WDR27: variants seen among roughly 807,000 people sequenced by gnomAD.
WDR27 encodes WD repeat-containing protein 27.
In WDR27, 100 loss-of-function variants were observed where a neutral mutation model predicts 114.4. The observed-to-expected ratio is 0.87, with a 90% CI of 0.74 to 1.03. The LOEUF is 1.03. Ranked by LOEUF, WDR27 falls within the 50% of genes least tolerant of loss-of-function variation. WDR27 has a pLI of 0.00. For synonymous variants in WDR27, 449 were observed against 423.1 expected, an observed-to-expected ratio of 1.06 and a Z score of -0.75; for missense variants, 1,129 against 1,092.9, an observed-to-expected ratio of 1.03 and a Z score of -0.47.
intron 17 of WDR27, among the ~76,000 whole-genome samples, chr6:169,641,870 C>A (rs747966778): frequency 2.0e-4 from 30 of 152,268 alleles, no homozygotes; most frequent in Admixed American, 1.7e-3. Flanking sequence ...TCCCGCGCAG[C>A]GCGCTCAGAA....
chr6:169,433,150 A>G, the WDR27 span, among the ~76,000 whole-genome samples: 122,054 of 152,012 alleles, frequency 0.8, 49,825 homozygotes, highest in African/African-American at 0.85. Context: ...TGTTACATAG[A>G]TATACATGTG....
rs1001538017 is a variant in WDR27 at position 169,502,752 on chromosome 6, G to A, written c.2646-45118C>T. ...TGCTCTCCTCATCTCCAGGTCAGCC[G>A]ATCGCAGCCTCAGTGCCATCTTCAA... On this transcript the variant is annotated intron_variant, in intron 25 of 25. Transcript: ENST00000448612. Among the ~76,000 whole-genome samples the A allele has an allele frequency of 3.9e-5, 6 of 152,176 alleles. No individual in the cohort carries two copies. In the East Asian group the frequency reaches 1.2e-3, roughly 30 times the overall value.
At chr6:169,511,191 C>T (rs1490350261) in intron 25 of WDR27, among the ~76,000 whole-genome samples, 1 of 152,140 alleles carries the variant, frequency 6.6e-6, no homozygotes, top group Non-Finnish European at 1.5e-5. Context: ...TTTGAGGAGC[C>T]TTTGTGTAAC....
chr6:169,566,866 A>G (rs1331570314), intron 25 of WDR27, among the ~76,000 whole-genome samples: 2 of 152,238 alleles, frequency 1.3e-5, no homozygotes. Context: ...GAGACAGTGG[A>G]TAACAAGTGT....
At chr6:169,520,323 C>A (rs941812340) in intron 25 of WDR27, among the ~76,000 whole-genome samples, 1 of 152,052 alleles carries the variant, frequency 6.6e-6, no homozygotes, top group African/African-American at 2.4e-5. Flanking sequence ...GCTTAAGGCA[C>A]CATCTAGTGC....
intron 1 of WDR27, among the ~76,000 whole-genome samples, chr6:169,699,976 T>C (rs1019226858): frequency 3.9e-5 from 6 of 152,010 alleles, no homozygotes; most frequent in Admixed American, 3.3e-4. Context: ...TGACATCCTG[T>C]CTCAAAGGAA....
chr6:169,694,367 A>T (rs1785283205), intron 1 of WDR27, among the ~76,000 whole-genome samples: 1 of 152,200 alleles, frequency 6.6e-6, no homozygotes, highest in Non-Finnish European at 1.5e-5. Context: ...ACATTTCCAC[A>T]TACACTGCTG....
chr6:169,696,596 GCACAGGACCCCTT>G (rs1786078760), intron 1 of WDR27, among the ~76,000 whole-genome samples: 1 of 152,212 alleles, frequency 6.6e-6, no homozygotes, highest in African/African-American at 2.4e-5. Flanking sequence ...CATGCCTGAA[GCACAGGACCCCTT>G]CATGTCTTAA....
intron 23 of WDR27, among the ~76,000 whole-genome samples, chr6:169,593,415 G>A (rs1296862111): frequency 6.6e-6 from 1 of 152,158 alleles, no homozygotes; most frequent in South Asian, 2.1e-4. Flanking sequence ...CACAAATTAT[G>A]AGAAGCAGTC....
chr6:169,580,094 G>A (rs1315419775), intron 24 of WDR27, among the ~76,000 whole-genome samples: 2 of 152,234 alleles, frequency 1.3e-5, no homozygotes, highest in Non-Finnish European at 2.9e-5. Flanking sequence ...TGCTGTTGGT[G>A]TTTGTGGCAC....
At chr6:169,498,955 A>G (rs2115469922) in intron 25 of WDR27, among the ~76,000 whole-genome samples, 1 of 152,366 alleles carries the variant, frequency 6.6e-6, no homozygotes, top group South Asian at 2.1e-4. Flanking sequence ...ATACCTGCGC[A>G]GAACTGCAAA....
intron 8 of WDR27, among the ~76,000 whole-genome samples, chr6:169,662,802 T>C (rs1409471554): frequency 1.2e-5 from 1 of 85,828 alleles, no homozygotes. Context: ...CCGCGGAGCA[T>C]TCGGATCACG....
chr6:169,646,835 A>G (rs1415657398), intron 16 of WDR27, among the ~76,000 whole-genome samples: 14 of 152,236 alleles, frequency 9.2e-5, no homozygotes, highest in African/African-American at 1.4e-4. Context: ...AGGAATGTTC[A>G]GTCTATCAAA....
chr6:169,504,084 T>C (rs942379461), intron 25 of WDR27, among the ~76,000 whole-genome samples: 12 of 149,236 alleles, frequency 8.0e-5, no homozygotes, highest in African/African-American at 2.8e-4. Context: ...GATAAAAAGA[T>C]AGATGAACAG....
At chr6:169,485,420 T>A (rs750485748) in intron 25 of WDR27, among the ~76,000 whole-genome samples, 14 of 152,322 alleles carry the variant, frequency 9.2e-5, no homozygotes, top group South Asian at 2.1e-4. Context: ...AAGCTCAGCA[T>A]CACTTATCAT....
chr6:169,427,064 G>C, the WDR27 span: 1 of 152,718 alleles, frequency 6.5e-6, no homozygotes, highest in Non-Finnish European at 1.5e-5. Context: ...AATGGCAGGA[G>C]GTACAGCCGC....
chr6:169,670,618 T>C lies in WDR27; in HGVS notation c.407A>G (p.His136Arg), dbSNP rs748628725. The change falls in exon 4 of 26, where the codon CAT becomes CGT. Residue 136 changes from histidine (H) to arginine (R), a missense_variant. His to Arg is a conservative substitution (Grantham distance 29). Coordinates refer to ENST00000448612, the MANE Select transcript of WDR27 (RefSeq NM_182552.5). Reference sequence around the variant, plus strand: ...GTTTCCAGCACACACGGCAACAACATGATCATCCAGGCTCAACTGTAAACA... The same window carrying C: ...GTTTCCAGCACACACGGCAACAACACGATCATCCAGGCTCAACTGTAAACA... ...VLCLQLSLDD[H>R]VVAVCAGNKI... 5.0e-6 allele frequency: 8 copies of C among 1,614,010 alleles called. No homozygotes were observed. The South Asian group carries it at 8.8e-5, about 18-fold the overall frequency.
chr6:169,496,588 CAA>C lies in WDR27; in HGVS notation c.2646-38956_2646-38955del, dbSNP rs199913881. The stretch of plus-strand genomic sequence containing the variant: ...AGTGTGTTAGAACAAATGAATATAG[CAA>C]AGTAGCAGGATAAAAAATCAGCAGG... On this transcript the variant is annotated intron_variant, in intron 25 of 25. Transcript: ENST00000448612. Among the ~76,000 whole-genome samples the C allele has an allele frequency of 6.6e-3, 997 of 152,134 alleles. 9 individuals carry two copies. Among genetic ancestry groups the C allele is most frequent in the African/African-American group, 0.023 (959 of 41,568 alleles).
chr6:169,494,408 A>G (rs140916137), intron 25 of WDR27, among the ~76,000 whole-genome samples: 26 of 152,274 alleles, frequency 1.7e-4, no homozygotes, highest in African/African-American at 6.3e-4. Flanking sequence ...TATTGCCTTC[A>G]GACTATAATC....
Sources: allele counts gnomAD v4.1 joint callset (sites outside exome capture counted in the v4.1 genomes callset), GRCh38; gene constraint gnomAD v4.1.1; transcripts MANE v1.5; gene names NCBI Gene and HGNC (gene_info 2026-07-23, HGNC 2026-07-21).